NAV3: variants seen among roughly 807,000 people sequenced by gnomAD.
The protein encoded by NAV3 is pore membrane and/or filament interacting like protein 1.
Under a neutral mutation model 244.7 loss-of-function variants are expected in NAV3, and 87 were observed. The ratio of observed to expected loss-of-function variants is 0.36; its 90% CI spans 0.30 to 0.42. The LOEUF (loss-of-function observed/expected upper bound fraction) is 0.42. Ranked by LOEUF, NAV3 falls within the 20% of genes least tolerant of loss-of-function variation. The pLI, the probability that NAV3 is intolerant of heterozygous loss-of-function variation, is 1.00. For synonymous variants in NAV3, 1,126 were observed against 1,042.2 expected, an observed-to-expected ratio of 1.08 and a Z score of -1.55; for missense variants, 2,663 against 2,893.3, an observed-to-expected ratio of 0.92 and a Z score of 1.83.
intron 20 of NAV3, among the ~76,000 whole-genome samples, chr12:78,141,571 T>A (rs1956615991): frequency 6.6e-6 from 1 of 152,206 alleles, no homozygotes; most frequent in African/African-American, 2.4e-5. Context: ...TCTTTATAGA[T>A]TAATCTCATA....
chr12:77,825,371 T>C (rs1262003766), intron 2 of NAV3, among the ~76,000 whole-genome samples: 1 of 152,178 alleles, frequency 6.6e-6, no homozygotes, highest in Non-Finnish European at 1.5e-5. Context: ...AACAAAATAA[T>C]GTGCTATGTT....
intron 2 of NAV3, among the ~76,000 whole-genome samples, chr12:77,654,547 C>T (rs1025456209): frequency 3.9e-5 from 6 of 152,176 alleles, no homozygotes; most frequent in East Asian, 1.9e-4. Context: ...AACAAAAAGA[C>T]AGCAGTAACC....
At chr12:77,720,418 AG>A (rs1214946461) in intron 2 of NAV3, among the ~76,000 whole-genome samples, 1 of 152,072 alleles carries the variant, frequency 6.6e-6, no homozygotes, top group African/African-American at 2.4e-5. Context: ...TCCAATTAGA[AG>A]GATTTACTGG....
At chr12:78,050,667 A>G in intron 10 of NAV3, 97 bp from the exon 11 acceptor site, 1 of 1,283,838 alleles carries the variant, frequency 7.8e-7, no homozygotes, top group Non-Finnish European at 1.1e-6. Context: ...TGTTTATAAG[A>G]GATGACCCTC....
intron 31 of NAV3, among the ~76,000 whole-genome samples, chr12:78,186,472 T>C (rs1958724233): frequency 6.6e-6 from 1 of 151,918 alleles, no homozygotes; most frequent in South Asian, 2.1e-4. Context: ...CCATCAACTT[T>C]CTGCTTGAGC....
chr12:77,867,259 C>T (rs865933778), intron 1 of NAV3, among the ~76,000 whole-genome samples: 7 of 152,164 alleles, frequency 4.6e-5, no homozygotes, highest in African/African-American at 7.2e-5. Flanking sequence ...GTTCCATTTT[C>T]GCTTGCTCTC....
chr12:78,091,846 A>G (rs188970686), intron 12 of NAV3: 3 of 151,862 alleles, frequency 2.0e-5, no homozygotes, highest in East Asian at 1.9e-4. Context: ...TTCTTGTGCA[A>G]TTTCTCCTTT....
intron 2 of NAV3, among the ~76,000 whole-genome samples, chr12:77,644,926 G>A (rs1379437963): frequency 2.0e-5 from 3 of 152,074 alleles, no homozygotes; most frequent in Non-Finnish European, 4.4e-5. Flanking sequence ...ACCAGCACAA[G>A]TAAGCATATA....
chr12:77,685,832 A>C (rs1194962256), intron 2 of NAV3, among the ~76,000 whole-genome samples: 1 of 152,234 alleles, frequency 6.6e-6, no homozygotes, highest in Admixed American at 6.5e-5. Context: ...ATAAATAGAA[A>C]AATTTAAACA....
intron 2 of NAV3, among the ~76,000 whole-genome samples, chr12:77,693,796 T>C (rs971471644): frequency 1.3e-5 from 2 of 152,128 alleles, no homozygotes; most frequent in Non-Finnish European, 2.9e-5. Context: ...TCTCAAGTCA[T>C]CGTGCTGCAT....
At chr12:78,132,595 T>A (rs1956211341) in intron 18 of NAV3, among the ~76,000 whole-genome samples, 1 of 152,178 alleles carries the variant, frequency 6.6e-6, no homozygotes, top group Admixed American at 6.5e-5. Context: ...TTGTTCCAGG[T>A]ATTAGGTGCA....
intron 30 of NAV3, among the ~76,000 whole-genome samples, chr12:78,182,855 C>A (rs1958559064): frequency 6.6e-6 from 1 of 151,860 alleles, no homozygotes; most frequent in Non-Finnish European, 1.5e-5. Context: ...ATTACTTTCA[C>A]TCTTGTGGAG....
rs371746674 is a variant in NAV3 at position 78,007,125 on chromosome 12, A to G, written c.1587A>G (p.Lys529=). 2.5e-5 allele frequency: 40 copies of G among 1,614,012 alleles called. No homozygotes were observed. In the African/African-American group the frequency reaches 4.1e-4, roughly 17 times the overall value. The stretch of plus-strand genomic sequence containing the variant: ...TTCCGTCTTCCAGTGGTATTCCAAA[A>G]CCAGGCTCTAAAGTTCCAACAGTAA... The part of the protein sequence containing the change: ...SLIPSSSGIP[K]PGSKVPTVKQ... Residue 529 remains lysine, a synonymous_variant, in exon 8 of 40, where the codon AAA becomes AAG. Transcript: ENST00000397909.
rs996581027 is a variant in NAV3, at chr12:78,146,360, G to C, written c.4684-9G>C. On this transcript the variant is annotated splice_polypyrimidine_tract_variant and intron_variant, in intron 20 of 39. Coordinates refer to ENST00000397909, the MANE Select transcript of NAV3 (RefSeq NM_001024383.2). ...TATAGTTAAAGTCTTTCTTTTTATT[G>C]TTTTACAGGCTGAAGAAAAGGCTCA... 3.7e-6 allele frequency: 4 copies of C among 1,076,518 alleles called. No homozygotes were observed. Among genetic ancestry groups the C allele is most frequent in the Non-Finnish European group, 5.2e-6 (4 of 771,558 alleles). 66.7% of individuals were successfully genotyped at this position (1,076,518 alleles called of 1,614,324 possible).
intron 2 of NAV3, among the ~76,000 whole-genome samples, chr12:77,708,907 C>T (rs7966365): frequency 2.6e-5 from 4 of 152,006 alleles, no homozygotes; most frequent in South Asian, 2.1e-4. Context: ...TGCACATTGA[C>T]TTTGTATCCT....
intron 22 of NAV3, among the ~76,000 whole-genome samples, chr12:78,154,208 G>C (rs1469546208): frequency 1.1e-5 from 1 of 93,588 alleles, no homozygotes; most frequent in Non-Finnish European, 2.2e-5. Context: ...ATATACTCTA[G>C]GTATACATAT....
rs1210470389 is a variant in NAV3, at chr12:78,183,013, G to A, written c.5692+1968G>A. The stretch of plus-strand genomic sequence containing the variant: ...ATATCTAGTTCCTGAAATATTAATT[G>A]CATGTTCCTTGCATCCAGTAAAGAC... On this transcript the variant is annotated intron_variant, in intron 30 of 39. Transcript: ENST00000397909. 2.0e-5 allele frequency among the ~76,000 whole-genome samples: 3 copies of A among 152,010 alleles called. No homozygotes were observed. The East Asian group carries it at 5.8e-4, about 29-fold the overall frequency.
intron 12 of NAV3, among the ~76,000 whole-genome samples, chr12:78,071,904 T>C (rs1307003702): frequency 6.6e-6 from 1 of 152,064 alleles, no homozygotes; most frequent in Non-Finnish European, 1.5e-5. Flanking sequence ...CTCAACTACA[T>C]GGAAACTGAA....
At chr12:78,066,271 A>C (rs1201872744) in intron 12 of NAV3, among the ~76,000 whole-genome samples, 1 of 152,128 alleles carries the variant, frequency 6.6e-6, no homozygotes, top group African/African-American at 2.4e-5. Flanking sequence ...GAAGGGGATC[A>C]AAGAGGTTGA....
Sources: gnomAD v4.1 joint callset for allele counts (sites outside exome capture counted in the v4.1 genomes callset) on GRCh38, gnomAD v4.1.1 for gene constraint, MANE v1.5 for transcripts, NCBI Gene and HGNC (gene_info 2026-07-23, HGNC 2026-07-21) for gene names.